Variants in DRC9 observed in about 807,000 individuals in gnomAD.
DRC9 encodes dynein regulatory complex protein 9.
chr3:197,924,900 C>A, the DRC9 span, among the ~76,000 whole-genome samples: 1 of 152,176 alleles, frequency 6.6e-6, no homozygotes, highest in African/African-American at 2.4e-5. Context: ...TAGGTTGTAG[C>A]CCCAACTTTG....
At chr3:197,944,322 T>C in the DRC9 span, among the ~76,000 whole-genome samples, 1 of 151,970 alleles carries the variant, frequency 6.6e-6, no homozygotes, top group Admixed American at 6.6e-5. Flanking sequence ...GCAATGGTGC[T>C]ATCTCAGCTC....
At chr3:197,933,404 G>A in the DRC9 span, among the ~76,000 whole-genome samples, 2 of 151,992 alleles carry the variant, frequency 1.3e-5, no homozygotes, top group Non-Finnish European at 1.5e-5. Flanking sequence ...TTGTGCCACT[G>A]CACTCCAGCC....
chr3:197,951,141 G>C, the DRC9 span: 1 of 1,614,050 alleles, frequency 6.2e-7, no homozygotes, highest in Non-Finnish European at 8.5e-7. Flanking sequence ...TTCATGTTGT[G>C]TATCTTTTGT....
the DRC9 span, among the ~76,000 whole-genome samples, chr3:197,900,179 G>C: frequency 1.3e-5 from 2 of 152,198 alleles, no homozygotes; most frequent in African/African-American, 4.8e-5. The surrounding 1 kb of genome is among the most constrained non-coding windows in gnomAD (Gnocchi z 4.7). Context: ...CAATACACTT[G>C]AAAGGCGGTC....
At chr3:197,894,005 G>T in the DRC9 span, among the ~76,000 whole-genome samples, 3 of 152,118 alleles carry the variant, frequency 2.0e-5, no homozygotes, top group Non-Finnish European at 4.4e-5. Flanking sequence ...AAATGAAAGA[G>T]ATATATTAAG....
chr3:197,901,306 G>C, the DRC9 span, among the ~76,000 whole-genome samples: 1 of 152,138 alleles, frequency 6.6e-6, no homozygotes, highest in Non-Finnish European at 1.5e-5. This position sits in a 1 kb window ranked among gnomAD's most constrained non-coding sequence, Gnocchi z 4.4. Flanking sequence ...CCCGGCTAAT[G>C]TCTGTATTTT....
At chr3:197,904,019 CATACATATATATATACAT>C in the DRC9 span, among the ~76,000 whole-genome samples, 17 of 90,598 alleles carry the variant, frequency 1.9e-4, no homozygotes, top group East Asian at 3.5e-3. Flanking sequence ...TATATATATA[CATACATATATATATACAT>C]ACATATATAT....
chr3:197,945,443 A>G, the DRC9 span, among the ~76,000 whole-genome samples: 1 of 152,164 alleles, frequency 6.6e-6, no homozygotes, highest in African/African-American at 2.4e-5. Context: ...CATCCAGCTA[A>G]CCTGCTCCTA....
chr3:197,889,366 C>T, the DRC9 span: 33 of 591,116 alleles, frequency 5.6e-5, no homozygotes, highest in Non-Finnish European at 9.3e-5. Flanking sequence ...TGAGGAAGCC[C>T]TAAGTCAATG....
At chr3:197,913,505 T>G in the DRC9 span, 1 of 330,558 alleles carries the variant, frequency 3.0e-6, no homozygotes, top group South Asian at 4.0e-5. Context: ...ACTGGAGGAG[T>G]GAAAGGTACT....
the DRC9 span, among the ~76,000 whole-genome samples, chr3:197,920,010 GC>G: frequency 6.6e-6 from 1 of 150,708 alleles, no homozygotes. Context: ...GACCAGCCTG[GC>G]TAACATGGTG....
chr3:197,913,226 T>C, the DRC9 span: 1 of 186,416 alleles, frequency 5.4e-6, no homozygotes, highest in African/African-American at 2.4e-5. Context: ...GTCTCCCTAG[T>C]TGAAGTCTGA....
chr3:197,915,618 C>T, the DRC9 span, among the ~76,000 whole-genome samples: 4 of 152,032 alleles, frequency 2.6e-5, no homozygotes, highest in African/African-American at 7.2e-5. Context: ...AGATACCAAC[C>T]GCCTTTCTTC....
chr3:197,916,938 G>A, the DRC9 span, among the ~76,000 whole-genome samples: 256 of 151,930 alleles, frequency 1.7e-3, no homozygotes, highest in African/African-American at 5.9e-3. Context: ...GAAAGTTTAC[G>A]AATTTGTGTT....
At chr3:197,934,846 A>G in the DRC9 span, among the ~76,000 whole-genome samples, 3 of 143,034 alleles carry the variant, frequency 2.1e-5, no homozygotes, top group Middle Eastern at 7.4e-3. Context: ...AAGGCTGGTC[A>G]TGGTGGCACG....
At chr3:197,940,768 G>T in the DRC9 span, among the ~76,000 whole-genome samples, 5,266 of 152,286 alleles carry the variant, frequency 0.035, 131 homozygotes, top group South Asian at 0.074. Flanking sequence ...ATTTTTAAAA[G>T]ATATGAAGCT....
chr3:197,896,799 C>T, the DRC9 span, among the ~76,000 whole-genome samples: 1 of 152,120 alleles, frequency 6.6e-6, no homozygotes, highest in East Asian at 1.9e-4. Flanking sequence ...CCTCTATCAC[C>T]TTGGGAATTT....
At chr3:197,945,577 T>C in the DRC9 span, 1 of 1,370,646 alleles carries the variant, frequency 7.3e-7, no homozygotes, top group East Asian at 2.3e-5. Flanking sequence ...GAAGGCATAA[T>C]TTAAATACAT....
At chr3:197,928,520 T>C in the DRC9 span, among the ~76,000 whole-genome samples, 6 of 152,078 alleles carry the variant, frequency 3.9e-5, no homozygotes, top group African/African-American at 1.4e-4. Flanking sequence ...TCGCTAATTT[T>C]TGCATTTTTA....
Sources: allele counts gnomAD v4.1 joint callset (sites outside exome capture counted in the v4.1 genomes callset), GRCh38; gene constraint gnomAD v4.1.1; non-coding constraint Gnocchi (gnomAD v3.1); transcripts MANE v1.5; gene names NCBI Gene and HGNC (gene_info 2026-07-23, HGNC 2026-07-21).